The following UBR3 variants were observed in gnomAD, a reference collection of about 807,000 sequenced individuals.
UBR3 encodes the protein ubiquitin protein ligase E3 component n-recognin 3.
In UBR3, 85 loss-of-function variants were observed where a neutral mutation model predicts 243.2. That is an observed-to-expected ratio of 0.35 (90% CI 0.29 to 0.42). The LOEUF is 0.42. UBR3 is among the 10% of genes least tolerant of loss of function. The pLI is 1.00. For synonymous variants in UBR3, 748 were observed against 799.8 expected, an observed-to-expected ratio of 0.94 and a Z score of 1.09; for missense variants, 1,686 against 2,300.8, an observed-to-expected ratio of 0.73 and a Z score of 5.47.
At chr2:169,971,094 C>A (rs1203707081) in intron 24 of UBR3, among the ~76,000 whole-genome samples, 1 of 152,030 alleles carries the variant, frequency 6.6e-6, no homozygotes, top group African/African-American at 2.4e-5. Flanking sequence ...AGCATTTTTT[C>A]ATGTGTTTTT....
intron 10 of UBR3, among the ~76,000 whole-genome samples, chr2:169,912,928 A>G (rs1451174953): frequency 2.0e-5 from 3 of 151,970 alleles, no homozygotes; most frequent in African/African-American, 4.8e-5. Context: ...AGGACTATAA[A>G]TGCACGCCAC....
At chr2:170,011,621 CT>C (rs1288232316) in intron 29 of UBR3, among the ~76,000 whole-genome samples, 1 of 125,448 alleles carries the variant, frequency 8.0e-6, no homozygotes, top group African/African-American at 3.2e-5. Flanking sequence ...AGTTTTACAG[CT>C]TTTCTTTTTT....
intron 31 of UBR3, among the ~76,000 whole-genome samples, chr2:170,040,131 A>C (rs1363690410): frequency 6.6e-6 from 1 of 152,088 alleles, no homozygotes; most frequent in African/African-American, 2.4e-5. Context: ...TATAAAGTTG[A>C]AACATTTTAT....
chr2:169,863,943 A>G (rs6433155), intron 1 of UBR3, among the ~76,000 whole-genome samples: 117,478 of 152,182 alleles, frequency 0.77, 46,448 homozygotes, highest in East Asian at 0.89. Flanking sequence ...ATTTTGGCCT[A>G]TAGCCTAAAT....
chr2:170,075,534 G>T (rs1158465388), intron 36 of UBR3, among the ~76,000 whole-genome samples: 1 of 152,088 alleles, frequency 6.6e-6, no homozygotes, highest in Non-Finnish European at 1.5e-5. Context: ...ATATAATTAG[G>T]TGATAATTAT....
At chr2:170,029,576 TATC>T in intron 31 of UBR3, 128 bp downstream of exon 31, 2 of 686,766 alleles carry the variant, frequency 2.9e-6, no homozygotes, top group Non-Finnish European at 4.6e-6. Context: ...CACAGAAATA[TATC>T]ATAAGAATTG....
At chr2:169,912,161 A>T (rs534190546) in intron 10 of UBR3, among the ~76,000 whole-genome samples, 18 of 152,180 alleles carry the variant, frequency 1.2e-4, no homozygotes, top group Admixed American at 5.9e-4. Flanking sequence ...CGTGGATTTG[A>T]TGCTTTCTGC....
At chr2:170,064,485 G>A (rs12466098) in intron 35 of UBR3, among the ~76,000 whole-genome samples, 64,583 of 151,714 alleles carry the variant, frequency 0.43, 15,244 homozygotes, top group Non-Finnish European at 0.54. Context: ...TATTTTCATA[G>A]TTTTATCTTC....
At chr2:169,917,333 A>AGTG (rs1464759270) in intron 11 of UBR3, among the ~76,000 whole-genome samples, 2 of 152,218 alleles carry the variant, frequency 1.3e-5, no homozygotes, top group African/African-American at 4.8e-5. Flanking sequence ...CACCCTGTCC[A>AGTG]GGGTCAGTCC....
At chr2:170,015,568 C>A (rs879746678) in intron 30 of UBR3, among the ~76,000 whole-genome samples, 1 of 137,566 alleles carries the variant, frequency 7.3e-6, no homozygotes, top group Non-Finnish European at 1.6e-5. Flanking sequence ...GATTACCTAG[C>A]ACATAAATGT....
At chr2:170,026,462 A>G (rs2090531824) in intron 30 of UBR3, among the ~76,000 whole-genome samples, 1 of 152,134 alleles carries the variant, frequency 6.6e-6, no homozygotes, top group Non-Finnish European at 1.5e-5. Context: ...TTACTATATA[A>G]TAGACCAGAA....
chr2:169,994,749 G>A (rs1342036108), intron 26 of UBR3, among the ~76,000 whole-genome samples: 2 of 152,108 alleles, frequency 1.3e-5, no homozygotes, highest in Non-Finnish European at 2.9e-5. Context: ...ACATTGTTTT[G>A]TTATAATGTT....
intron 27 of UBR3, among the ~76,000 whole-genome samples, chr2:170,004,228 T>C (rs907562537): frequency 3.9e-5 from 6 of 152,056 alleles, no homozygotes; most frequent in African/African-American, 1.4e-4. Flanking sequence ...GAGGAGAATA[T>C]AGATTTGAAA....
chr2:169,881,903 A>G (rs1324412329), intron 5 of UBR3, among the ~76,000 whole-genome samples: 2 of 94,410 alleles, frequency 2.1e-5, no homozygotes, highest in Non-Finnish European at 4.8e-5. Context: ...GTATACATAT[A>G]GGTATATGTA....
At chr2:169,879,184 C>T (rs1220502864) in intron 5 of UBR3, among the ~76,000 whole-genome samples, 1 of 151,414 alleles carries the variant, frequency 6.6e-6, no homozygotes, top group Non-Finnish European at 1.5e-5. Flanking sequence ...TGCTTATAAT[C>T]TTGTTGCTTA....
intron 32 of UBR3, among the ~76,000 whole-genome samples, chr2:170,045,426 G>A (rs2091060100): frequency 6.6e-6 from 1 of 152,090 alleles, no homozygotes; most frequent in Non-Finnish European, 1.5e-5. Context: ...TTTGGATCAT[G>A]TTGCTGTTCT....
At chr2:170,046,901 T>C (rs974985263) in intron 32 of UBR3, among the ~76,000 whole-genome samples, 4 of 152,220 alleles carry the variant, frequency 2.6e-5, no homozygotes, top group Non-Finnish European at 4.4e-5. Context: ...TTCAGTCCCA[T>C]AGTAAAATAA....
rs530715146 is a variant in UBR3 at position 169,992,282 on chromosome 2, A to T, written c.3785-2041A>T. Among the ~76,000 whole-genome samples, 39 of 152,322 alleles carry T rather than the reference A, an allele frequency of 2.6e-4. No individual in the cohort carries two copies. In the South Asian group the frequency reaches 4.2e-3, roughly 16 times the overall value. On this transcript the variant is annotated intron_variant, in intron 25 of 38. Transcript: ENST00000272793. ...AGTAATTTTTAAAAATCTGACAGTG[A>T]AAAGGACTGGACCAGATGGCTTCAC...
intron 21 of UBR3, among the ~76,000 whole-genome samples, chr2:169,946,748 G>T (rs2086804353): frequency 6.6e-6 from 1 of 151,928 alleles, no homozygotes; most frequent in South Asian, 2.1e-4. Flanking sequence ...TTGATTATTG[G>T]CAAACAATTA....
Sources: gnomAD v4.1 joint callset for allele counts (sites outside exome capture counted in the v4.1 genomes callset) on GRCh38, gnomAD v4.1.1 for gene constraint, MANE v1.5 for transcripts, NCBI Gene and HGNC (gene_info 2026-07-23, HGNC 2026-07-21) for gene names.